PRRG1: variants seen among roughly 807,000 people sequenced by gnomAD.
PRRG1 encodes transmembrane gamma-carboxyglutamic acid protein 1.
Under a neutral mutation model 11.8 loss-of-function variants are expected in PRRG1, and 5 were observed. The observed-to-expected ratio is 0.42, with a 90% CI of 0.22 to 0.89. The LOEUF is 0.89. PRRG1 is among the 40% of genes least tolerant of loss of function. PRRG1 has a pLI of 0.28. For synonymous variants in PRRG1, 66 were observed against 60.4 expected, an observed-to-expected ratio of 1.09 and a Z score of -0.43; for missense variants, 155 against 166.1, an observed-to-expected ratio of 0.93 and a Z score of 0.37.
chrX:37,361,198 C>T lies in PRRG1; in HGVS notation c.-42+11803C>T, dbSNP rs112710678. Among the ~76,000 whole-genome samples, 816 of 110,872 alleles carry T rather than the reference C, an allele frequency of 7.4e-3. 10 individuals carry two copies. The highest frequency in any genetic ancestry group is 0.025 in the African/African-American group (769 of 30,455). ...TCTACTAAAAATACAGAAAATTAGCCGGGCATGGTGGTGGTAGCCTGTAGT... is the reference window on the plus strand; with the variant it reads ...TCTACTAAAAATACAGAAAATTAGCTGGGCATGGTGGTGGTAGCCTGTAGT... On this transcript the variant is annotated intron_variant, in intron 1 of 3. Transcript: ENST00000378628.
intron 1 of PRRG1, among the ~76,000 whole-genome samples, chrX:37,392,098 A>T (rs1054118334): frequency 9.0e-6 from 1 of 111,239 alleles, no homozygotes; most frequent in Non-Finnish European, 1.9e-5. Flanking sequence ...ATGAACTGAG[A>T]ATGGTTTTAC....
chrX:37,443,162 T>A (rs1241597335), intron 3 of PRRG1, among the ~76,000 whole-genome samples: 1 of 111,209 alleles, frequency 9.0e-6, no homozygotes, highest in Admixed American at 9.6e-5. Flanking sequence ...GATTCACTAG[T>A]TCCAGATGGA....
At chrX:37,441,621 C>G in intron 3 of PRRG1, 1 of 798,545 alleles carries the variant, frequency 1.3e-6, no homozygotes, top group Non-Finnish European at 1.5e-6. Context: ...ATGCTTCCTA[C>G]GTGTACCTGT....
intron 3 of PRRG1, among the ~76,000 whole-genome samples, chrX:37,451,260 G>A (rs939377989): frequency 1.6e-4 from 18 of 111,962 alleles, no homozygotes; most frequent in Non-Finnish European, 2.3e-4. Flanking sequence ...TCAGGTGATC[G>A]CCTGCCTCAG....
At chrX:37,403,038 T>G (rs1283942074) in intron 1 of PRRG1, among the ~76,000 whole-genome samples, 2 of 110,170 alleles carry the variant, frequency 1.8e-5, no homozygotes, top group Admixed American at 9.6e-5. Flanking sequence ...GGTGGGACTG[T>G]AAACTAGTTC....
intron 3 of PRRG1, among the ~76,000 whole-genome samples, chrX:37,434,550 C>T (rs1051450873): frequency 4.5e-5 from 5 of 111,729 alleles, no homozygotes; most frequent in African/African-American, 1.6e-4. Flanking sequence ...ATCAGATGGA[C>T]CTTGATCTGG....
At chrX:37,413,927 C>T (rs1309712808) in intron 2 of PRRG1, among the ~76,000 whole-genome samples, 3 of 112,078 alleles carry the variant, frequency 2.7e-5, no homozygotes, top group South Asian at 3.7e-4. Context: ...GTATTCAGTA[C>T]AGTCACATGC....
At chrX:37,407,372 A>C (rs905569601) in intron 2 of PRRG1, among the ~76,000 whole-genome samples, 1 of 112,348 alleles carries the variant, frequency 8.9e-6, no homozygotes, top group Non-Finnish European at 1.9e-5. Flanking sequence ...CCAAGGCTTA[A>C]AGTGTTTTGG....
rs781825565 is a variant in PRRG1 at position 37,358,830 on chromosome X, C to T, written c.-42+9435C>T. ...GAAAGAACTGATATCTTGAGACTAT[C>T]GAGTCTTCCTATTCGTGAACATGGG... On this transcript the variant is annotated intron_variant, in intron 1 of 3. Transcript: ENST00000378628. Among the ~76,000 whole-genome samples, 7 of 111,843 alleles carry T rather than the reference C, an allele frequency of 6.3e-5. No homozygotes were observed. In the East Asian group the frequency reaches 2.0e-3, roughly 31 times the overall value.
chrX:37,360,587 G>T (rs1200198531), intron 1 of PRRG1, among the ~76,000 whole-genome samples: 1 of 111,941 alleles, frequency 8.9e-6, no homozygotes, highest in Non-Finnish European at 1.9e-5. Flanking sequence ...ATCTGTCTTG[G>T]TGCATATTCC....
intron 1 of PRRG1, among the ~76,000 whole-genome samples, chrX:37,351,437 T>G (rs782730223): frequency 1.2e-4 from 13 of 108,737 alleles, no homozygotes; most frequent in Non-Finnish European, 2.5e-4. Flanking sequence ...GGAGCTTGCC[T>G]TGAGCTGAGA....
intron 3 of PRRG1, among the ~76,000 whole-genome samples, chrX:37,438,102 C>T (rs1556392461): frequency 9.0e-6 from 1 of 110,508 alleles, no homozygotes; most frequent in Non-Finnish European, 1.9e-5. Context: ...GTCCCAGCTA[C>T]TCGAGAGGGG....
At chrX:37,379,655 C>A (rs1931090566) in intron 1 of PRRG1, among the ~76,000 whole-genome samples, 1 of 111,115 alleles carries the variant, frequency 9.0e-6, no homozygotes. Context: ...CTGTATTCAA[C>A]CCAATATTGG....
At position 37,355,408 on chromosome X, in the gene PRRG1, A is replaced by G. The variant is rs368413853; in HGVS notation, c.-42+6013A>G. On this transcript the variant is annotated intron_variant, in intron 1 of 3. Transcript: ENST00000378628. ...TCTCTTCAGCAATGTTGGGCAGAAT[A>G]TGGAAGAACTGAAAATAGTTTTATT... Among the ~76,000 whole-genome samples the G allele has an allele frequency of 3.6e-5, 4 of 112,064 alleles. No individual in the cohort carries two copies. The East Asian group carries it at 1.1e-3, about 31-fold the overall frequency.
chrX:37,408,554 C>T (rs1386457734), intron 2 of PRRG1, among the ~76,000 whole-genome samples: 1 of 111,671 alleles, frequency 9.0e-6, no homozygotes, highest in African/African-American at 3.3e-5. Flanking sequence ...TGGTGGGAAT[C>T]GCCACGTTTG....
chrX:37,413,185 C>G (rs1313368553), intron 2 of PRRG1, among the ~76,000 whole-genome samples: 1 of 110,810 alleles, frequency 9.0e-6, no homozygotes, highest in Non-Finnish European at 1.9e-5. Context: ...AGGGTTCACT[C>G]TTGTTGTTGT....
chrX:37,366,671 G>T (rs781812256), intron 1 of PRRG1, among the ~76,000 whole-genome samples: 12 of 111,665 alleles, frequency 1.1e-4, no homozygotes, highest in Non-Finnish European at 2.3e-4. Context: ...TGCTGCTTTG[G>T]TAATGTTTAA....
intron 2 of PRRG1, among the ~76,000 whole-genome samples, chrX:37,421,772 T>C (rs1556387124): frequency 1.8e-5 from 2 of 112,282 alleles, no homozygotes; most frequent in African/African-American, 6.5e-5. Context: ...TTAGGGTCCA[T>C]TAGGTTTCCA....
At chrX:37,450,852 T>A (rs1556396359) in intron 3 of PRRG1, among the ~76,000 whole-genome samples, 1 of 112,095 alleles carries the variant, frequency 8.9e-6, no homozygotes, top group Non-Finnish European at 1.9e-5. Context: ...GAGTCTGTTA[T>A]TTTTTAGGAG....
Sources: allele counts gnomAD v4.1 joint callset (sites outside exome capture counted in the v4.1 genomes callset), GRCh38; gene constraint gnomAD v4.1.1; transcripts MANE v1.5; gene names NCBI Gene and HGNC (gene_info 2026-07-23, HGNC 2026-07-21).